PER1: variants seen among roughly 807,000 people sequenced by gnomAD.
PER1 encodes period circadian protein homolog 1.
PER1 carries 87 observed loss-of-function variants against 125.9 expected under a neutral mutation model. The observed-to-expected ratio is 0.69, with a 90% CI of 0.58 to 0.83. The LOEUF is 0.83. Ranked by LOEUF, PER1 falls within the 40% of genes least tolerant of loss-of-function variation. The pLI, the probability that PER1 is intolerant of heterozygous loss-of-function variation, is 0.00. For missense variants in PER1, 1,775 were observed against 1,722.8 expected, an observed-to-expected ratio of 1.03 and a Z score of -0.54; for synonymous variants, 801 against 714.7, an observed-to-expected ratio of 1.12 and a Z score of -1.93.
Position 8,141,050 on chromosome 17 carries a change from A to T in PER1, c.*18T>A. The stretch of plus-strand genomic sequence containing the variant: ...GAAAGCCTCTCATGGACTCCTGGAG[A>T]TGGTCCCAGAATGGAGTCTAGCTGG... On this transcript the variant is annotated 3_prime_UTR_variant, in exon 23 of 23. Transcript: ENST00000317276. 1 of 1,599,404 alleles carries T rather than the reference A, an allele frequency of 6.3e-7. No homozygotes were observed. Among genetic ancestry groups the T allele is most frequent in the Non-Finnish European group, 8.5e-7 (1 of 1,170,568 alleles).
chr17:8,145,878 G>A, intron 17 of PER1, 80 bp downstream of exon 17: 3 of 1,473,720 alleles, frequency 2.0e-6, no homozygotes, highest in Non-Finnish European at 1.8e-6. Context: ...AGGCCCTAGA[G>A]GGGAGGGGAA....
chr17:8,144,239 T>G, intron 18 of PER1: 1 of 389,106 alleles, frequency 2.6e-6, no homozygotes, highest in Non-Finnish European at 4.6e-6. Context: ...AGCCTAGGCA[T>G]TCCTCCTGCC....
Position 8,146,749 on chromosome 17 carries a change from C to A in PER1, c.1752G>T (p.Lys584Asn). 1 of 1,612,318 alleles carries A rather than the reference C, an allele frequency of 6.2e-7. No homozygotes were observed. The highest frequency in any genetic ancestry group is 8.5e-7 in the Non-Finnish European group (1 of 1,179,422). Residue 584 changes from lysine to asparagine, a missense_variant, in exon 15 of 23, where the codon AAG (lysine) becomes AAT (asparagine). Transcript: ENST00000317276. The stretch of plus-strand genomic sequence containing the variant: ...GGGATTGGCAGGGAAGGGCCTTGGC[C>A]TTGAACGTGCCTGTAGCTGGGGCAA... ...RPRLPATGTF[K>N]AKALPCQSPD...
chr17:8,145,921 G>T, intron 17 of PER1, 37 bp downstream of exon 17: 1 of 1,553,116 alleles, frequency 6.4e-7, no homozygotes, highest in Non-Finnish European at 8.7e-7. Context: ...GGAGACCGGT[G>T]GAGCCCAAGC....
chr17:8,150,438 C>A lies in PER1; in HGVS notation c.269G>T (p.Ser90Ile). 6.2e-7 allele frequency: 1 copy of A among 1,610,390 alleles called. No individual in the cohort carries two copies. Among genetic ancestry groups the A allele is most frequent in the East Asian group, 2.2e-5 (1 of 44,866 alleles). ...CATACACATCCATACACACCTCTTGCTGCTCTCAGTGGTCTCCAGCAGGGC... is the reference window on the plus strand; with the variant it reads ...CATACACATCCATACACACCTCTTGATGCTCTCAGTGGTCTCCAGCAGGGC... ...DSALLETTESSKSTNSQSPSP... is the reference protein window; with the variant it reads ...DSALLETTESIKSTNSQSPSP... The change falls in exon 2 of 23, where the codon AGC becomes ATC. Residue 90 changes from serine to isoleucine, a missense_variant. Coordinates refer to ENST00000317276, the MANE Select transcript of PER1 (RefSeq NM_002616.3).
In PER1 at chr17:8,143,295, C is replaced by A; in HGVS notation, c.3043G>T (p.Ala1015Ser). The A allele has an allele frequency of 1.3e-6, 2 of 1,578,156 alleles. No homozygotes were observed. The highest frequency in any genetic ancestry group is 2.0e-4 in the Middle Eastern group (1 of 5,080). ...GSSAGPPPPS[A>S]EAAEPEARLA... ...CTGGCCTCTGGCTCAGCAGCCTCCG[C>A]ACTGGGAGGTGGGGGCCCGGCACTG... Residue 1015 changes from alanine (A) to serine (S), a missense_variant, in exon 19 of 23, where the codon GCG becomes TCG. Ala to Ser is a moderately conservative substitution (Grantham distance 99). Coordinates refer to ENST00000317276, the MANE Select transcript of PER1 (RefSeq NM_002616.3).
chr17:8,146,145 G>A lies in PER1; in HGVS notation c.2039-8C>T. ...GCGCTGCTGACGGCGGATCTGTGCA[G>A]AGAGATGGTGCCAGTTACCATCCCC... is the stretch of plus-strand genomic sequence containing the variant. On this transcript the variant is annotated splice_region_variant and splice_polypyrimidine_tract_variant and intron_variant, in intron 16 of 22. Transcript: ENST00000317276. The A allele has an allele frequency of 5.1e-6, 8 of 1,581,292 alleles. No individual in the cohort carries two copies. The highest frequency in any genetic ancestry group is 6.9e-6 in the Non-Finnish European group (8 of 1,163,300).
Position 8,146,614 on chromosome 17 carries a change from G to A in PER1, c.1887C>T (p.Asn629=), listed in dbSNP as rs781478499. The change falls in exon 15 of 23, where the codon AAC becomes AAT. Residue 629 remains asparagine, a synonymous_variant. Transcript: ENST00000317276. ...CTTACCTGAGGATGCTGTCCAGGCA[G>A]TTGATCTGCTGGTAGGAGCAGCTGG... is the stretch of plus-strand genomic sequence containing the variant. ...EASSCSYQQI[N]CLDSILRYLE... 3 of 1,611,646 alleles carry A rather than the reference G, an allele frequency of 1.9e-6. No homozygotes were observed. The highest frequency in any genetic ancestry group is 1.7e-4 in the Middle Eastern group (1 of 6,028).
At chr17:8,145,836 C>G (rs1403526174) in intron 17 of PER1, 122 bp downstream of exon 17, 1 of 1,133,532 alleles carries the variant, frequency 8.8e-7, no homozygotes, top group African/African-American at 1.6e-5. Context: ...AGCCCCAAGC[C>G]CCAGGTCAAG....
chr17:8,145,410 A>G (rs1598250499), intron 17 of PER1, among the ~76,000 whole-genome samples: 1 of 140,652 alleles, frequency 7.1e-6, no homozygotes, highest in Non-Finnish European at 1.5e-5. Context: ...TGCAACCACC[A>G]CCCCCTGGGT....
intron 15 of PER1, 40 bp from the exon 16 acceptor site, chr17:8,146,542 G>C: frequency 6.2e-7 from 1 of 1,603,930 alleles, no homozygotes; most frequent in Non-Finnish European, 8.5e-7. Context: ...AGCAGGGCTT[G>C]GGGTGGGCAG....
Position 8,144,927 on chromosome 17 carries a change from G to A in PER1, c.2285C>T (p.Pro762Leu). The change falls in exon 18 of 23, where the codon CCC (proline) becomes CTC (leucine). Residue 762 changes from proline to leucine, a missense_variant. By Grantham distance (98) the Pro-to-Leu change is moderately conservative (BLOSUM62 -3). Coordinates refer to ENST00000317276, the MANE Select transcript of PER1 (RefSeq NM_002616.3). ...PGPAPSPAPS[P>L]TVAPDPAPDA... ...TGGGGCTGGGTCAGGGGCTACTGTG[G>A]GGCTGGGGGCTGGGCTGGGGGCTGG... 6 of 1,525,306 alleles carry A rather than the reference G, an allele frequency of 3.9e-6. No homozygotes were observed. Among genetic ancestry groups the A allele is most frequent in the Non-Finnish European group, 5.3e-6 (6 of 1,134,770 alleles). The allele number at this position is 1,525,306 out of a possible 1,614,324, so 94.5% of individuals were successfully genotyped here.
At position 8,150,853 on chromosome 17, in the gene PER1, G is replaced by C. The variant is rs2151862072; in HGVS notation, c.-139-8C>G. 1.5e-6 allele frequency: 1 copy of C among 680,610 alleles called. No individual in the cohort carries two copies. The allele number at this position is 680,610 out of a possible 1,614,324, so 42.2% of individuals were successfully genotyped here. A position where few individuals can be genotyped will look rare whatever the true frequency, so the allele number is the denominator to read the frequency against. Reference sequence around the variant, plus strand: ...TTCGATCACAGCCAGTACCTGGAGAGGGAGACCAGGAAGCAGGGCTTGCAG... The same window carrying C: ...TTCGATCACAGCCAGTACCTGGAGACGGAGACCAGGAAGCAGGGCTTGCAG... On this transcript the variant is annotated splice_polypyrimidine_tract_variant and splice_region_variant and intron_variant, in intron 1 of 22. Coordinates refer to ENST00000317276, the MANE Select transcript of PER1 (RefSeq NM_002616.3).
rs1185403493 is a variant in PER1, at chr17:8,142,736, C to T, written c.3172G>A (p.Ala1058Thr). 6.2e-6 allele frequency: 10 copies of T among 1,613,764 alleles called. No individual in the cohort carries two copies. Among genetic ancestry groups the T allele is most frequent in the Middle Eastern group, 1.6e-4 (1 of 6,084 alleles). Reference sequence around the variant, plus strand: ...CCAGAGCCCAAGGAGCCCGAGGCTGCGGAGCCTGTGCCGGAGCGCGAGTCC... The same window carrying T: ...CCAGAGCCCAAGGAGCCCGAGGCTGTGGAGCCTGTGCCGGAGCGCGAGTCC... ...QEDSRSGTGS[A>T]ASGSLGSGLG... The change falls in exon 20 of 23, where the codon GCA (alanine) becomes ACA (threonine). Residue 1058 changes from alanine to threonine, a missense_variant. Physicochemically the swap from Ala to Thr is moderately conservative, Grantham distance 58. Transcript: ENST00000317276.
In PER1 at chr17:8,142,418, G is replaced by A; in HGVS notation, c.3300C>T (p.Ser1100=). 1.9e-6 allele frequency: 3 copies of A among 1,604,994 alleles called. No individual in the cohort carries two copies. Among genetic ancestry groups the A allele is most frequent in the South Asian group, 1.1e-5 (1 of 89,842 alleles). The change falls in exon 21 of 23, where the codon AGC becomes AGT. Residue 1100 remains serine (S), a synonymous_variant. Transcript: ENST00000317276. ...QSSHTSKYFG[S]IDSSEAEAGA... is the part of the protein sequence containing the mutation. Reference sequence around the variant, plus strand: ...CAGCCTCAGCCTCGGAAGAGTCGATGCTGCCAAAGTATTTGCTTGTGTGGC... The same window carrying A: ...CAGCCTCAGCCTCGGAAGAGTCGATACTGCCAAAGTATTTGCTTGTGTGGC...
At position 8,148,187 on chromosome 17, in the gene PER1, T is replaced by C; in HGVS notation, c.1121A>G (p.Asp374Gly). Residue 374 changes from aspartate (D) to glycine (G), a missense_variant, in exon 9 of 23, where the codon GAT becomes GGT. Asp to Gly is a moderately conservative substitution (Grantham distance 94, BLOSUM62 -1). Transcript: ENST00000317276. The part of the protein sequence containing the change: ...HTPSCLFQDV[D>G]ERAAPLLGYL... ...CTCTAGGTCCTATCCTCACCTTTCA[T>C]CCACATCCTGGAAGAGGCAGCTGGG... The C allele has an allele frequency of 6.2e-7, 1 of 1,614,024 alleles. No individual in the cohort carries two copies.
In PER1 at chr17:8,149,610, C is replaced by T. The variant is rs374754590; in HGVS notation, c.705G>A (p.Ser235=). The change falls in exon 6 of 23, where the codon TCG becomes TCA. Residue 235 remains serine (S), a synonymous_variant. Coordinates refer to ENST00000317276, the MANE Select transcript of PER1 (RefSeq NM_002616.3). The stretch of plus-strand genomic sequence containing the variant: ...AACGCAGCAGGACGGCTGCCTGCTC[C>T]GAAATGTAGACGATTCGGCCCGTCA... The part of the protein sequence containing the change: ...SFLTGRIVYI[S]EQAAVLLRCK... 20 of 1,612,770 alleles carry T rather than the reference C, an allele frequency of 1.2e-5. No homozygotes were observed. Among genetic ancestry groups the T allele is most frequent in the African/African-American group, 6.7e-5 (5 of 75,006 alleles).
At chr17:8,143,163 G>T (rs1163448093) in intron 19 of PER1, 103 bp downstream of exon 19, 1 of 878,540 alleles carries the variant, frequency 1.1e-6, no homozygotes, top group African/African-American at 1.7e-5. Context: ...CCACCTCCTG[G>T]AGGCTGAGAC....
intron 1 of PER1, among the ~76,000 whole-genome samples, chr17:8,151,517 A>G (rs1982863423): frequency 6.6e-6 from 1 of 152,082 alleles, no homozygotes; most frequent in Non-Finnish European, 1.5e-5. Flanking sequence ...GGGACGGCCT[A>G]TTAGGATCCC....
Sources: allele counts gnomAD v4.1 joint callset (sites outside exome capture counted in the v4.1 genomes callset), GRCh38; gene constraint gnomAD v4.1.1; transcripts MANE v1.5; gene names NCBI Gene and HGNC (gene_info 2026-07-23, HGNC 2026-07-21).